Variants in KLHL32 observed in about 807,000 individuals in gnomAD.
KLHL32 encodes the protein kelch like family member 32.
In KLHL32, 35 loss-of-function variants were observed where a neutral mutation model predicts 64.8. The observed-to-expected ratio is 0.54, with a 90% CI of 0.41 to 0.72. The LOEUF is 0.72. Ranked by LOEUF, KLHL32 falls within the 30% of genes least tolerant of loss-of-function variation. KLHL32 has a pLI of 0.00. For missense variants in KLHL32, 589 were observed against 768.5 expected, an observed-to-expected ratio of 0.77 and a Z score of 2.76; for synonymous variants, 259 against 281.0, an observed-to-expected ratio of 0.92 and a Z score of 0.78.
At chr6:97,006,305 T>C (rs1245927044) in intron 3 of KLHL32, among the ~76,000 whole-genome samples, 9 of 152,170 alleles carry the variant, frequency 5.9e-5, no homozygotes, top group Non-Finnish European at 1.2e-4. Context: ...TTTATAGTCT[T>C]TTTTGCCTGA....
At position 97,021,615 on chromosome 6, in the gene KLHL32, CTAGAG is replaced by C. The variant is rs1454616385; in HGVS notation, c.205-19874_205-19870del. On this transcript the variant is annotated intron_variant, in intron 3 of 10. Coordinates refer to ENST00000369261, the MANE Select transcript of KLHL32 (RefSeq NM_052904.4). ...ATCCAGAAACACCTTCACAGACATACTAGAGTAATGTTTTACCAAATATCTAAACA... is the reference window on the plus strand; with the variant it reads ...ATCCAGAAACACCTTCACAGACATACTAATGTTTTACCAAATATCTAAACA... Among the ~76,000 whole-genome samples, 11 of 150,894 alleles carry C rather than the reference CTAGAG, an allele frequency of 7.3e-5. 1 individual carries two copies. Among genetic ancestry groups the C allele is most frequent in the Non-Finnish European group, 8.8e-5 (6 of 68,030 alleles).
At position 96,997,602 on chromosome 6, in the gene KLHL32, G is replaced by GT. The variant is rs544220866; in HGVS notation, c.204+21426dup. ...GTCTCTATAAAAAAAAATTAGCTGG[G>GT]TGTAGTGGCATGCACCTGCAGTCTC... On this transcript the variant is annotated intron_variant, in intron 3 of 10. Coordinates refer to ENST00000369261, the MANE Select transcript of KLHL32 (RefSeq NM_052904.4). Among the ~76,000 whole-genome samples the GT allele has an allele frequency of 8.5e-5, 13 of 152,144 alleles. No homozygotes were observed. In the South Asian group the frequency reaches 2.7e-3, roughly 32 times the overall value.
intron 3 of KLHL32, among the ~76,000 whole-genome samples, chr6:97,016,369 A>C (rs1781195282): frequency 6.6e-6 from 1 of 152,260 alleles, no homozygotes; most frequent in South Asian, 2.1e-4. Context: ...AGTGTGCCTT[A>C]GATGTGAGAC....
chr6:96,981,279 T>A (rs1225640112), intron 3 of KLHL32, among the ~76,000 whole-genome samples: 1 of 152,206 alleles, frequency 6.6e-6, no homozygotes, highest in African/African-American at 2.4e-5. Flanking sequence ...TTTTCCTGGT[T>A]CAATTTGGGA....
intron 5 of KLHL32, among the ~76,000 whole-genome samples, chr6:97,080,164 T>G (rs953258606): frequency 6.6e-6 from 1 of 152,142 alleles, no homozygotes; most frequent in African/African-American, 2.4e-5. Context: ...CAGTAACACT[T>G]TCAACTCTAG....
At position 97,139,258 on chromosome 6, in the gene KLHL32, T is replaced by G. The variant is rs776255895; in HGVS notation, c.1839T>G (p.Pro613=). 148 of 1,613,650 alleles carry G rather than the reference T, an allele frequency of 9.2e-5. No homozygotes were observed. The highest frequency in any genetic ancestry group is 9.7e-5 in the Non-Finnish European group (114 of 1,179,804). ...TCPNLQTLQV[P]HHRIGTI ...CTAACCTTCAAACTCTTCAAGTGCC[T>G]CATCACAGGATTGGCACCATCTGAA... Residue 613 remains proline (P), a synonymous_variant, in exon 11 of 11, where the codon CCT becomes CCG. Transcript: ENST00000369261.
At chr6:97,063,335 A>G (rs145824193) in intron 4 of KLHL32, among the ~76,000 whole-genome samples, 29 of 152,334 alleles carry the variant, frequency 1.9e-4, no homozygotes, top group Admixed American at 6.5e-4. Flanking sequence ...TAAGGAAAAC[A>G]AGAGTCAAGA....
chr6:96,919,837 A>G (rs984597462), upstream of KLHL32, among the ~76,000 whole-genome samples: 1 of 152,230 alleles, frequency 6.6e-6, no homozygotes, highest in African/African-American at 2.4e-5. Context: ...TCTAGCTATA[A>G]CTGATATGCC....
intron 7 of KLHL32, among the ~76,000 whole-genome samples, chr6:97,119,479 G>A (rs142091875): frequency 4.6e-5 from 7 of 152,198 alleles, no homozygotes; most frequent in African/African-American, 1.2e-4. Context: ...GGGATATCAA[G>A]GTCCAAAATA....
intron 1 of KLHL32, among the ~76,000 whole-genome samples, chr6:96,944,679 A>G (rs1473631072): frequency 6.6e-6 from 1 of 152,236 alleles, no homozygotes; most frequent in Non-Finnish European, 1.5e-5. Flanking sequence ...CAGAAAGGCT[A>G]TATTACTTGT....
chr6:97,098,591 A>C (rs970071462), intron 6 of KLHL32, among the ~76,000 whole-genome samples: 1 of 152,206 alleles, frequency 6.6e-6, no homozygotes, highest in African/African-American at 2.4e-5. Context: ...TTAGGTGATC[A>C]TTCAGTCTCA....
intron 3 of KLHL32, among the ~76,000 whole-genome samples, chr6:96,986,589 G>C (rs944624962): frequency 5.9e-5 from 9 of 152,176 alleles, no homozygotes; most frequent in African/African-American, 2.2e-4. Flanking sequence ...CCCTCCCCCA[G>C]CCTGGCTGCT....
chr6:97,062,615 A>G (rs1384219932), intron 4 of KLHL32: 1 of 152,186 alleles, frequency 6.6e-6, no homozygotes, highest in Non-Finnish European at 1.5e-5. Flanking sequence ...ATTCTGAATA[A>G]AAAACATGTG....
In KLHL32 at chr6:97,120,683, T is replaced by C. The variant is rs990795858; in HGVS notation, c.1354+6174T>C. 3.3e-5 allele frequency among the ~76,000 whole-genome samples: 5 copies of C among 152,048 alleles called. No homozygotes were observed. The East Asian group carries it at 7.7e-4, about 23-fold the overall frequency. ...GAAAAGTGTGTGTTGCGGGAGTAAG[T>C]AGTAAGAGAATGCCCCCTTGTTGTC... On this transcript the variant is annotated intron_variant, in intron 7 of 10. Coordinates refer to ENST00000369261, the MANE Select transcript of KLHL32 (RefSeq NM_052904.4).
intron 1 of KLHL32, among the ~76,000 whole-genome samples, chr6:96,931,578 AT>A (rs1412433112): frequency 6.6e-6 from 1 of 152,208 alleles, no homozygotes; most frequent in Non-Finnish European, 1.5e-5. Context: ...ATGTTTATAT[AT>A]TTCAATATTT....
chr6:97,019,236 A>G (rs1018808076), intron 3 of KLHL32, among the ~76,000 whole-genome samples: 1 of 152,246 alleles, frequency 6.6e-6, no homozygotes, highest in Non-Finnish European at 1.5e-5. Context: ...TTGAAGAAGT[A>G]TAGTTATAGC....
chr6:97,058,495 A>G (rs1315651776), intron 4 of KLHL32, among the ~76,000 whole-genome samples: 1 of 151,942 alleles, frequency 6.6e-6, no homozygotes, highest in Non-Finnish European at 1.5e-5. Flanking sequence ...ACCAATATTC[A>G]TTTCCTCTTT....
At chr6:97,062,642 CA>C (rs1789100306) in intron 4 of KLHL32, 1 of 151,988 alleles carries the variant, frequency 6.6e-6, no homozygotes, top group Non-Finnish European at 1.5e-5. Flanking sequence ...TCAATTAATT[CA>C]TTAGCATTTT....
chr6:97,084,041 T>C (rs1432184205), intron 5 of KLHL32, among the ~76,000 whole-genome samples: 1 of 152,172 alleles, frequency 6.6e-6, no homozygotes, highest in Non-Finnish European at 1.5e-5. Flanking sequence ...CCCCACTTTA[T>C]ACAGTTATCT....
Sources: allele counts gnomAD v4.1 joint callset (sites outside exome capture counted in the v4.1 genomes callset), GRCh38; gene constraint gnomAD v4.1.1; transcripts MANE v1.5; gene names NCBI Gene and HGNC (gene_info 2026-07-23, HGNC 2026-07-21).